Variants in PCDH9 observed in about 807,000 individuals in gnomAD.
The protein encoded by PCDH9 is protocadherin-9.
Under a neutral mutation model 70.6 loss-of-function variants are expected in PCDH9, and 24 were observed. The observed-to-expected ratio is 0.34, with a 90% confidence interval of 0.25 to 0.48. The LOEUF is 0.48. Ranked by LOEUF, PCDH9 falls within the 20% of genes least tolerant of loss-of-function variation. PCDH9 has a pLI of 0.99. For synonymous variants in PCDH9, 562 were observed against 558.5 expected, an observed-to-expected ratio of 1.01 and a Z score of -0.09; for missense variants, 1,281 against 1,503.6, an observed-to-expected ratio of 0.85 and a Z score of 2.45.
intron 3 of PCDH9, among the ~76,000 whole-genome samples, chr13:66,759,809 A>C (rs1317203929): frequency 2.5e-5 from 3 of 118,414 alleles, no homozygotes; most frequent in Non-Finnish European, 5.6e-5. Context: ...CCTTTAACAA[A>C]TTATTGTGGT....
At chr13:66,796,535 A>C (rs767288351) in intron 3 of PCDH9, among the ~76,000 whole-genome samples, 8 of 152,190 alleles carry the variant, frequency 5.3e-5, no homozygotes, top group Non-Finnish European at 8.8e-5. Context: ...ACTGTGTTTT[A>C]GTTTGAGATG....
intron 2 of PCDH9, among the ~76,000 whole-genome samples, chr13:67,170,871 G>A (rs2088265113): frequency 1.3e-5 from 2 of 152,122 alleles, no homozygotes; most frequent in African/African-American, 4.8e-5. Flanking sequence ...GTTGCCGTGA[G>A]CCAAGATTGC....
intron 4 of PCDH9, among the ~76,000 whole-genome samples, chr13:66,311,386 G>A (rs147302732): frequency 7.0e-6 from 1 of 143,012 alleles, no homozygotes; most frequent in African/African-American, 2.6e-5. Context: ...GTGTGTGTGT[G>A]TGTTATTTAT....
chr13:67,085,189 A>G (rs975327880), intron 2 of PCDH9, among the ~76,000 whole-genome samples: 2 of 151,392 alleles, frequency 1.3e-5, no homozygotes, highest in Admixed American at 6.6e-5. Context: ...CTTCACATCA[A>G]TAATTTAAAG....
At chr13:66,610,662 A>T (rs2077283066) in intron 4 of PCDH9, among the ~76,000 whole-genome samples, 1 of 152,178 alleles carries the variant, frequency 6.6e-6, no homozygotes, top group Admixed American at 6.5e-5. Flanking sequence ...GAGATTACTG[A>T]AGAGTTACTG....
chr13:66,899,935 AC>A (rs1471616019), intron 3 of PCDH9, among the ~76,000 whole-genome samples: 1 of 151,970 alleles, frequency 6.6e-6, no homozygotes, highest in East Asian at 1.9e-4. Flanking sequence ...TTGTTTGGAA[AC>A]TTTGTGTTTG....
chr13:66,968,438 C>T (rs1444346487), intron 2 of PCDH9, among the ~76,000 whole-genome samples: 1 of 151,994 alleles, frequency 6.6e-6, no homozygotes, highest in East Asian at 1.9e-4. Context: ...AGTCCACTTA[C>T]AATCAACTAA....
rs186906459 is a variant in PCDH9, at chr13:66,878,871, T to A, written c.3138+24633A>T. Among the ~76,000 whole-genome samples, 399 of 152,294 alleles carry A rather than the reference T, an allele frequency of 2.6e-3. 1 individual carries two copies. The highest frequency in any genetic ancestry group is 3.8e-3 in the Non-Finnish European group (257 of 68,012). ...AGAACAAGCAAGAACACTGGAAAGA[T>A]AGCTTCAAGTGTTTTGTAAGGGTTC... On this transcript the variant is annotated intron_variant, in intron 3 of 4. Transcript: ENST00000377865.
chr13:67,021,563 T>C (rs1366773985), intron 2 of PCDH9, among the ~76,000 whole-genome samples: 3 of 152,094 alleles, frequency 2.0e-5, no homozygotes, highest in Non-Finnish European at 4.4e-5. Context: ...GATGATGGTG[T>C]AATTTTTTTT....
At chr13:66,753,945 T>TGCA (rs2079499845) in intron 3 of PCDH9, among the ~76,000 whole-genome samples, 2 of 152,240 alleles carry the variant, frequency 1.3e-5, no homozygotes, top group African/African-American at 4.8e-5. Context: ...CTTCTGTTAG[T>TGCA]TAGAAATGCA....
intron 2 of PCDH9, among the ~76,000 whole-genome samples, chr13:67,020,653 G>GA: frequency 6.6e-6 from 1 of 152,238 alleles, no homozygotes; most frequent in South Asian, 2.1e-4. Context: ...TCCCTGCGGG[G>GA]AAAAAATGCC....
At chr13:66,882,163 C>G (rs901176662) in intron 3 of PCDH9, among the ~76,000 whole-genome samples, 5 of 152,188 alleles carry the variant, frequency 3.3e-5, no homozygotes, top group Admixed American at 3.3e-4. Flanking sequence ...ATTTCTGAAA[C>G]TAACATTTAT....
At chr13:66,561,437 C>T (rs1464571086) in intron 4 of PCDH9, among the ~76,000 whole-genome samples, 3 of 152,194 alleles carry the variant, frequency 2.0e-5, no homozygotes, top group Admixed American at 2.0e-4. Flanking sequence ...GCAGGCAGCT[C>T]CACCTGTGGC....
At chr13:66,404,752 T>C (rs1957250661) in intron 4 of PCDH9, among the ~76,000 whole-genome samples, 1 of 152,150 alleles carries the variant, frequency 6.6e-6, no homozygotes. Flanking sequence ...AATATTTCAA[T>C]ATTTTTACTC....
intron 2 of PCDH9, among the ~76,000 whole-genome samples, chr13:67,059,013 T>G (rs2085478906): frequency 6.6e-6 from 1 of 151,998 alleles, no homozygotes; most frequent in African/African-American, 2.4e-5. Flanking sequence ...TGCTGCCCTC[T>G]TCTTCCTCTT....
intron 4 of PCDH9, among the ~76,000 whole-genome samples, chr13:66,402,203 A>T (rs1318514524): frequency 6.6e-6 from 1 of 152,162 alleles, no homozygotes; most frequent in Non-Finnish European, 1.5e-5. Context: ...TGGCAACAAG[A>T]TGAATAAAGG....
Position 66,601,105 on chromosome 13 carries a change from G to T in PCDH9, c.3340+30105C>A, listed in dbSNP as rs1275554010. On this transcript the variant is annotated intron_variant, in intron 4 of 4. Transcript: ENST00000377865. Reference sequence around the variant, plus strand: ...TATTTGAAATGTCTTTATGATTCAGGTTACTATTTTATTCATACAGCATAT... The same window carrying T: ...TATTTGAAATGTCTTTATGATTCAGTTTACTATTTTATTCATACAGCATAT... Among the ~76,000 whole-genome samples, 4 of 144,568 alleles carry T rather than the reference G, an allele frequency of 2.8e-5. 1 individual carries two copies. Among genetic ancestry groups the T allele is most frequent in the African/African-American group, 5.0e-5 (2 of 40,198 alleles). The allele number at this position is 144,568 out of a possible 152,430, so 94.8% of individuals were successfully genotyped here.
intron 4 of PCDH9, among the ~76,000 whole-genome samples, chr13:66,454,948 T>C (rs1351099381): frequency 6.6e-6 from 1 of 152,156 alleles, no homozygotes; most frequent in East Asian, 1.9e-4. Context: ...GGGGAATTCA[T>C]TTTAAAAACA....
intron 2 of PCDH9, among the ~76,000 whole-genome samples, chr13:67,081,926 T>C (rs776128255): frequency 2.0e-5 from 3 of 152,194 alleles, no homozygotes; most frequent in Non-Finnish European, 4.4e-5. Flanking sequence ...AACCACTTTA[T>C]TGGGGCCTGA....
Sources: allele counts gnomAD v4.1 joint callset (sites outside exome capture counted in the v4.1 genomes callset), GRCh38; gene constraint gnomAD v4.1.1; transcripts MANE v1.5; gene names NCBI Gene and HGNC (gene_info 2026-07-23, HGNC 2026-07-21).